Variants in ZMYM6 observed in about 807,000 individuals in gnomAD.
The protein encoded by ZMYM6 is zinc finger MYM-type containing 6, also known as zinc finger MYM-type protein 6.
Under a neutral mutation model 134.0 loss-of-function variants are expected in ZMYM6, and 90 were observed. The ratio of observed to expected loss-of-function variants is 0.67; its 90% CI spans 0.57 to 0.80. The LOEUF (loss-of-function observed/expected upper bound fraction) is 0.80, where lower values mean the gene tolerates loss of function less well. Among genes scored for constraint, ZMYM6 ranks in the 30% least tolerant of loss-of-function variants. ZMYM6 has a pLI of 0.00. For synonymous variants in ZMYM6, 481 were observed against 524.1 expected, an observed-to-expected ratio of 0.92 and a Z score of 1.12; for missense variants, 1,362 against 1,533.9, an observed-to-expected ratio of 0.89 and a Z score of 1.87.
chr1:35,015,190 G>A, intron 4 of ZMYM6, 28 bp from the exon 5 acceptor site: 1 of 1,555,764 alleles, frequency 6.4e-7, no homozygotes, highest in South Asian at 1.2e-5. Context: ...AGGTAAAAAT[G>A]AAATGTATTC....
At chr1:35,026,458 T>C (rs942004198) in intron 2 of ZMYM6, among the ~76,000 whole-genome samples, 8 of 152,370 alleles carry the variant, frequency 5.3e-5, no homozygotes, top group South Asian at 4.1e-4. Context: ...ATTTGTTCAA[T>C]TGGCTTTTCA....
At position 34,987,775 on chromosome 1, in the gene ZMYM6, A is replaced by G; in HGVS notation, c.3307T>C (p.Tyr1103His). ...LSQKHSDLAK[Y>H]FHDEEWVGKL... ...CCAACCCATTCCTCATCATGAAAATACTTGGCCAAATCTGAATGCTTTTGA... is the reference window on the plus strand; with the variant it reads ...CCAACCCATTCCTCATCATGAAAATGCTTGGCCAAATCTGAATGCTTTTGA... The change falls in exon 16 of 16, where the codon TAT (tyrosine) becomes CAT (histidine). Residue 1103 changes from tyrosine (Y) to histidine (H), a missense_variant. Tyr to His is a moderately conservative substitution (Grantham distance 83). Coordinates refer to ENST00000357182, the MANE Select transcript of ZMYM6 (RefSeq NM_007167.4). 5.2e-6 allele frequency: 8 copies of G among 1,551,532 alleles called. No homozygotes were observed. The highest frequency in any genetic ancestry group is 7.0e-6 in the Non-Finnish European group (8 of 1,146,956).
At chr1:35,020,565 C>A in intron 2 of ZMYM6, 98 bp from the exon 3 acceptor site, 11 of 552,082 alleles carry the variant, frequency 2.0e-5, no homozygotes, top group Non-Finnish European at 2.8e-5. Flanking sequence ...TCCTATTCAT[C>A]TCCTTTTTTT....
At chr1:35,024,588 A>G (rs1641372530) in intron 2 of ZMYM6, among the ~76,000 whole-genome samples, 1 of 152,160 alleles carries the variant, frequency 6.6e-6, no homozygotes, top group Non-Finnish European at 1.5e-5. Flanking sequence ...AACAATCTCT[A>G]AATTTGATCA....
chr1:35,006,506 GTGT>G, intron 12 of ZMYM6, among the ~76,000 whole-genome samples: 1 of 152,212 alleles, frequency 6.6e-6, no homozygotes, highest in South Asian at 2.1e-4. Flanking sequence ...GATAATTAAC[GTGT>G]TGTTCTTTTC....
At chr1:34,998,264 C>T (rs1295886325) in intron 14 of ZMYM6, among the ~76,000 whole-genome samples, 7 of 152,026 alleles carry the variant, frequency 4.6e-5, no homozygotes, top group East Asian at 1.9e-4. Flanking sequence ...GGCAAGACTC[C>T]GTCTCAAAAA....
chr1:35,025,166 T>C (rs985427184), intron 2 of ZMYM6, among the ~76,000 whole-genome samples: 8 of 145,412 alleles, frequency 5.5e-5, no homozygotes, highest in African/African-American at 1.7e-4. Context: ...CCACCACTCA[T>C]GGCCTTGATT....
rs1337161295 is a variant in ZMYM6, at chr1:35,013,769, G to A, written c.795+928C>T. On this transcript the variant is annotated intron_variant, in intron 6 of 15. Coordinates refer to ENST00000357182, the MANE Select transcript of ZMYM6 (RefSeq NM_007167.4). ...TGCAGTGGCACAATCTCAGCTCACT[G>A]CAACCTCCACCTCCCGGGTTCAAGC... 5 of 671,676 alleles carry A rather than the reference G, an allele frequency of 7.4e-6. No individual in the cohort carries two copies. In the Admixed American group the frequency reaches 3.1e-4, roughly 42 times the overall value. 41.6% of individuals were successfully genotyped at this position (671,676 alleles called of 1,614,324 possible). A position where few individuals can be genotyped will look rare whatever the true frequency, so the allele number is the denominator to read the frequency against.
At position 35,031,803 on chromosome 1, in the gene ZMYM6, G is replaced by C. The variant is rs1462343142; in HGVS notation, c.-75+12C>G. 1 of 152,488 alleles carries C rather than the reference G, an allele frequency of 6.6e-6. No individual in the cohort carries two copies. The highest frequency in any genetic ancestry group is 2.4e-5 in the African/African-American group (1 of 41,464). 9.4% of individuals were successfully genotyped at this position (152,488 alleles called of 1,614,324 possible). A position where few individuals can be genotyped will look rare whatever the true frequency, so the allele number is the denominator to read the frequency against. On this transcript the variant is annotated intron_variant, in intron 1 of 15. Coordinates refer to ENST00000357182, the MANE Select transcript of ZMYM6 (RefSeq NM_007167.4). Reference sequence around the variant, plus strand: ...CCGCCGTCCCGCCCACTACCACTGCGGCCGCACCCACCTTCTGTCGCCTCC... The same window carrying C: ...CCGCCGTCCCGCCCACTACCACTGCCGCCGCACCCACCTTCTGTCGCCTCC...
At position 35,027,694 on chromosome 1, in the gene ZMYM6, T is replaced by C. The variant is rs1641439608; in HGVS notation, c.93+2853A>G. ...CCATACTCACACCACTGCACTCCAG[T>C]ATGGGCAACAAAGTGAGACCCTGTC... On this transcript the variant is annotated intron_variant, in intron 2 of 15. Transcript: ENST00000357182. Among the ~76,000 whole-genome samples, 4 of 150,610 alleles carry C rather than the reference T, an allele frequency of 2.7e-5. No homozygotes were observed. In the South Asian group the frequency reaches 8.4e-4, roughly 32 times the overall value.
At chr1:34,992,650 TATTTATAA>T (rs1640698778) in intron 14 of ZMYM6, among the ~76,000 whole-genome samples, 2 of 146,402 alleles carry the variant, frequency 1.4e-5, no homozygotes, top group Non-Finnish European at 3.0e-5. Context: ...TATAAAAATA[TATTTATAA>T]ACTATAAATA....
At chr1:35,005,629 CAAAAAAAAAAAA>C in intron 12 of ZMYM6, among the ~76,000 whole-genome samples, 1 of 59,318 alleles carries the variant, frequency 1.7e-5, no homozygotes, top group East Asian at 6.5e-4. Flanking sequence ...AACCTAGTCT[CAAAAAAAAAAAA>C]AAAAAAAAAA....
chr1:35,001,273 T>G (rs1294957898), intron 14 of ZMYM6, among the ~76,000 whole-genome samples: 1 of 141,606 alleles, frequency 7.1e-6, no homozygotes, highest in East Asian at 1.9e-4. Context: ...GTCAGGTGTT[T>G]TTTTTTTTTT....
chr1:35,004,950 C>A (rs575527788), intron 13 of ZMYM6, among the ~76,000 whole-genome samples, 182 bp downstream of exon 13: 23 of 152,004 alleles, frequency 1.5e-4, no homozygotes, highest in African/African-American at 5.6e-4. Context: ...CCCAGCTACT[C>A]GGGAGGCTGA....
intron 6 of ZMYM6, 91 bp downstream of exon 6, chr1:35,014,606 G>A: frequency 1.6e-6 from 2 of 1,236,178 alleles, no homozygotes; most frequent in Middle Eastern, 2.0e-4. Flanking sequence ...TGGACTAATG[G>A]GAGGAGCTCA....
intron 14 of ZMYM6, among the ~76,000 whole-genome samples, chr1:34,997,776 A>G (rs540395904): frequency 6.6e-6 from 1 of 152,288 alleles, no homozygotes; most frequent in Non-Finnish European, 1.5e-5. Context: ...CTACACCGTT[A>G]AAATTTTTTC....
At chr1:34,998,738 A>G (rs1467070526) in intron 14 of ZMYM6, among the ~76,000 whole-genome samples, 2 of 152,210 alleles carry the variant, frequency 1.3e-5, no homozygotes, top group Non-Finnish European at 1.5e-5. Flanking sequence ...CGGCAGCTGG[A>G]TACAGGAATC....
In ZMYM6 at chr1:34,991,200, G is replaced by GCA. The variant is rs143430048; in HGVS notation, c.2146+1032_2146+1033dup. 5.3e-5 allele frequency among the ~76,000 whole-genome samples: 8 copies of GCA among 151,054 alleles called. No individual in the cohort carries two copies. In the South Asian group the frequency reaches 6.3e-4, roughly 12 times the overall value. On this transcript the variant is annotated intron_variant, in intron 15 of 15. Transcript: ENST00000357182. The stretch of plus-strand genomic sequence containing the variant: ...ATTTAATCTAGAACTCAAAACATAA[G>GCA]CACACACACACACACAAACATACAC...
At chr1:34,989,355 T>C (rs1464658209) in intron 15 of ZMYM6, 6 of 535,742 alleles carry the variant, frequency 1.1e-5, no homozygotes, top group Non-Finnish European at 1.4e-5. Flanking sequence ...CCGGGCAACA[T>C]GGCGAAACTC....
Sources: gnomAD v4.1 joint callset for allele counts (sites outside exome capture counted in the v4.1 genomes callset) on GRCh38, gnomAD v4.1.1 for gene constraint, MANE v1.5 for transcripts, NCBI Gene and HGNC (gene_info 2026-07-23, HGNC 2026-07-21) for gene names.